Variants in TMEM213 observed in about 807,000 individuals in gnomAD.
TMEM213 encodes the protein transmembrane protein 213.
TMEM213 carries 7 observed loss-of-function variants against 11.6 expected under a neutral mutation model. The ratio of observed to expected loss-of-function variants is 0.60; its 90% confidence interval spans 0.34 to 1.13. The LOEUF is 1.13. TMEM213 is among the 50% of genes most tolerant of loss of function. The probability of loss-of-function intolerance (pLI) is 0.03; values close to 1 mark genes in which losing one functional copy is unlikely to be tolerated. For synonymous variants in TMEM213, 60 were observed against 58.3 expected, an observed-to-expected ratio of 1.03 and a Z score of -0.13; for missense variants, 129 against 139.0, an observed-to-expected ratio of 0.93 and a Z score of 0.36.
intron 1 of TMEM213, 144 bp from the exon 2 acceptor site, chr7:138,801,183 T>C: frequency 2.7e-6 from 2 of 727,920 alleles, no homozygotes; most frequent in South Asian, 3.4e-5. Context: ...TTAGCTTTGT[T>C]GCAGAAAGCC....
chr7:138,800,278 C>T lies in TMEM213; in HGVS notation c.83-1049C>T, dbSNP rs146524539. On this transcript the variant is annotated intron_variant, in intron 1 of 2. Coordinates refer to ENST00000442682, the MANE Select transcript of TMEM213 (RefSeq NM_001085429.2). ...TGAATTTGATTTTAATAAATTTAAACAACCACAGGTGGCTAGTGGCTGCCG... is the reference window on the plus strand; with the variant it reads ...TGAATTTGATTTTAATAAATTTAAATAACCACAGGTGGCTAGTGGCTGCCG... Among the ~76,000 whole-genome samples the T allele has an allele frequency of 2.6e-5, 4 of 152,164 alleles. No homozygotes were observed. The East Asian group carries it at 7.7e-4, about 29-fold the overall frequency.
chr7:138,802,999 C>A lies in TMEM213; in HGVS notation c.254C>A (p.Thr85Asn), dbSNP rs1263726377. Reference protein sequence around the residue: ...AAVGWSLWFLTLILLCVDKLM... With the variant: ...AAVGWSLWFLNLILLCVDKLM... ...GTTGGCTGGAGCCTCTGGTTCCTCA[C>A]CCTCATCCTGCTCTGTGTGGACAAA... Residue 85 changes from threonine to asparagine, a missense_variant, in exon 3 of 3, where the codon ACC becomes AAC. Thr to Asn is a moderately conservative substitution (Grantham distance 65). Coordinates refer to ENST00000442682, the MANE Select transcript of TMEM213 (RefSeq NM_001085429.2). 2 of 1,613,680 alleles carry A rather than the reference C, an allele frequency of 1.2e-6. No individual in the cohort carries two copies. Among genetic ancestry groups the A allele is most frequent in the African/African-American group, 2.7e-5 (2 of 74,922 alleles).
intron 1 of TMEM213, among the ~76,000 whole-genome samples, chr7:138,798,543 G>C (rs1808809909): frequency 6.6e-6 from 1 of 152,098 alleles, no homozygotes; most frequent in Non-Finnish European, 1.5e-5. Flanking sequence ...TGTCCTGAAG[G>C]CTCCTTCTCA....
chr7:138,803,804 G>A lies in TMEM213; in HGVS notation c.*735G>A, dbSNP rs898889189. The stretch of plus-strand genomic sequence containing the variant: ...GAAAAAAAAAAAAAAAAAAGAATGT[G>A]AGGATCAGGTGGGCATGGTGGCTCA... On this transcript the variant is annotated 3_prime_UTR_variant, in exon 3 of 3. Coordinates refer to ENST00000442682, the MANE Select transcript of TMEM213 (RefSeq NM_001085429.2). 3 of 148,656 alleles carry A rather than the reference G, an allele frequency of 2.0e-5. No homozygotes were observed. Among genetic ancestry groups the A allele is most frequent in the African/African-American group, 7.5e-5 (3 of 40,220 alleles). 9.2% of individuals were successfully genotyped at this position (148,656 alleles called of 1,614,324 possible). A position where few individuals can be genotyped will look rare whatever the true frequency, so the allele number is the denominator to read the frequency against.
intron 2 of TMEM213, among the ~76,000 whole-genome samples, chr7:138,802,584 GGGA>G (rs1808983531): frequency 6.7e-6 from 1 of 148,934 alleles, no homozygotes; most frequent in Non-Finnish European, 1.5e-5. Context: ...AGGGGTATTA[GGGA>G]ATAATACATA....
intron 1 of TMEM213, among the ~76,000 whole-genome samples, 168 bp from the exon 2 acceptor site, chr7:138,801,159 T>C (rs1808931232): frequency 1.3e-5 from 2 of 152,176 alleles, no homozygotes; most frequent in South Asian, 4.1e-4. Context: ...CATAATTCGG[T>C]CCATAACAGG....
intron 1 of TMEM213, among the ~76,000 whole-genome samples, chr7:138,798,723 C>T (rs965484493): frequency 1.2e-4 from 19 of 152,138 alleles, no homozygotes; most frequent in African/African-American, 4.3e-4. Context: ...CCTGCCTCCC[C>T]GGGCACTGGA....
chr7:138,802,546 GTCTC>G (rs1434079271), intron 2 of TMEM213, among the ~76,000 whole-genome samples: 3 of 133,610 alleles, frequency 2.2e-5, no homozygotes, highest in Admixed American at 7.6e-5. Flanking sequence ...GTGAGACTCT[GTCTC>G]AAAAAGAAAA....
chr7:138,798,376 G>T (rs556006119), intron 1 of TMEM213, 190 bp downstream of exon 1: 42 of 561,092 alleles, frequency 7.5e-5, no homozygotes, highest in African/African-American at 7.0e-4. Context: ...TGGGGCAGGG[G>T]GGGTCTTAGG....
In TMEM213 at chr7:138,798,029, C is replaced by G; in HGVS notation, c.-76C>G. On this transcript the variant is annotated 5_prime_UTR_variant, in exon 1 of 3. Coordinates refer to ENST00000442682, the MANE Select transcript of TMEM213 (RefSeq NM_001085429.2). ...TCCAGCTCCTGCAGGTGGGAGTCGA[C>G]TCACCTGCAGCAGGCACTCGGCACA... 6.4e-7 allele frequency: 1 copy of G among 1,552,998 alleles called. No individual in the cohort carries two copies. The highest frequency in any genetic ancestry group is 8.7e-7 in the Non-Finnish European group (1 of 1,148,014).
At position 138,801,298 on chromosome 7, in the gene TMEM213, C is replaced by T. The variant is rs189809183; in HGVS notation, c.83-29C>T. ...GCCTGGGAATAGCTTTTGCCAGTGC[C>T]TCAGACTATCTCCTATCTTTTCTTC... On this transcript the variant is annotated intron_variant, in intron 1 of 2. Transcript: ENST00000442682. 2.1e-4 allele frequency: 343 copies of T among 1,598,298 alleles called. 2 individuals are homozygous for T. The East Asian group carries it at 7.5e-3, about 35-fold the overall frequency.
Position 138,800,906 on chromosome 7 carries a change from C to T in TMEM213, c.83-421C>T, listed in dbSNP as rs538915690. On this transcript the variant is annotated intron_variant, in intron 1 of 2. Coordinates refer to ENST00000442682, the MANE Select transcript of TMEM213 (RefSeq NM_001085429.2). ...TAGAGACAGGGTTTCATCATGTTGG[C>T]CAGGCTGTTCTTGAACTCCTGACCT... 2.0e-5 allele frequency among the ~76,000 whole-genome samples: 3 copies of T among 152,128 alleles called. No individual in the cohort carries two copies. The South Asian group carries it at 6.2e-4, about 32-fold the overall frequency.
rs1809036261 is a variant in TMEM213 at position 138,804,146 on chromosome 7, T to G, written c.*1077T>G. On this transcript the variant is annotated 3_prime_UTR_variant, in exon 3 of 3. Transcript: ENST00000442682. The stretch of plus-strand genomic sequence containing the variant: ...CAGGGATATTGCATTCTGTCCTCAC[T>G]GTCTTGAGGATCTTCCTCCCCGGCT... 2.0e-5 allele frequency: 3 copies of G among 152,374 alleles called. No individual in the cohort carries two copies. The highest frequency in any genetic ancestry group is 2.1e-4 in the South Asian group (1 of 4,808). The allele number at this position is 152,374 out of a possible 1,614,324, so 9.4% of individuals were successfully genotyped here.
Position 138,803,093 on chromosome 7 carries a change from G to C in TMEM213, c.*24G>C, listed in dbSNP as rs1584964979. On this transcript the variant is annotated 3_prime_UTR_variant, in exon 3 of 3. Coordinates refer to ENST00000442682, the MANE Select transcript of TMEM213 (RefSeq NM_001085429.2). ...GAGACCCAGGCTCGGTGCACAAAAT[G>C]GTGATCGCCACCAATTTGTGGCTAA... is the stretch of plus-strand genomic sequence containing the variant. 1.2e-6 allele frequency: 2 copies of C among 1,607,404 alleles called. No individual in the cohort carries two copies. The highest frequency in any genetic ancestry group is 4.5e-5 in the East Asian group (2 of 44,722).
rs921683291 is a variant in TMEM213 at position 138,804,036 on chromosome 7, C to T, written c.*967C>T. ...TCTCCAGCTCTCCTTCTGGCTTCATCCTGTCTTCCACGGCTCTCCTGTCCC... is the reference window on the plus strand; with the variant it reads ...TCTCCAGCTCTCCTTCTGGCTTCATTCTGTCTTCCACGGCTCTCCTGTCCC... On this transcript the variant is annotated 3_prime_UTR_variant, in exon 3 of 3. Transcript: ENST00000442682. 5.9e-5 allele frequency: 9 copies of T among 152,604 alleles called. No individual in the cohort carries two copies. The highest frequency in any genetic ancestry group is 2.2e-4 in the African/African-American group (9 of 41,452). 9.5% of individuals were successfully genotyped at this position (152,604 alleles called of 1,614,324 possible).
rs1472751019 is a variant in TMEM213, at chr7:138,806,128, A to G, written c.*3059A>G. The G allele has an allele frequency of 6.6e-6, 1 of 152,192 alleles. No homozygotes were observed. Among genetic ancestry groups the G allele is most frequent in the African/African-American group, 2.4e-5 (1 of 41,442 alleles). The allele number at this position is 152,192 out of a possible 1,614,324, so 9.4% of individuals were successfully genotyped here. On this transcript the variant is annotated 3_prime_UTR_variant, in exon 3 of 3. Transcript: ENST00000442682. ...AATGGTTCTATAGTTTGATGGTTCT[A>G]CTTCCCAGATGCTACCTCTCAGATT...
intron 2 of TMEM213, among the ~76,000 whole-genome samples, chr7:138,801,988 A>C (rs1466605454): frequency 3.3e-5 from 5 of 152,090 alleles, no homozygotes; most frequent in Non-Finnish European, 5.9e-5. Context: ...ATATGGTGAA[A>C]CCCTGTCTCT....
rs780125224 is a variant in TMEM213, at chr7:138,802,966, C to T, written c.221C>T (p.Ala74Val). The change falls in exon 3 of 3, where the codon GCG (alanine) becomes GTG (valine). Residue 74 changes from alanine (A) to valine (V), a missense_variant. Ala to Val is a moderately conservative substitution (Grantham distance 64). Coordinates refer to ENST00000442682, the MANE Select transcript of TMEM213 (RefSeq NM_001085429.2). ...RTGVDEYGWI[A>V]AAVGWSLWFL... Reference sequence around the variant, plus strand: ...GGAGTGGACGAGTACGGCTGGATCGCGGCAGCTGTTGGCTGGAGCCTCTGG... The same window carrying T: ...GGAGTGGACGAGTACGGCTGGATCGTGGCAGCTGTTGGCTGGAGCCTCTGG... 2.1e-5 allele frequency: 34 copies of T among 1,612,532 alleles called. No homozygotes were observed. The highest frequency in any genetic ancestry group is 5.3e-5 in the African/African-American group (4 of 74,898).
At chr7:138,801,427 C>T in intron 2 of TMEM213, 29 bp downstream of exon 2, 1 of 1,585,224 alleles carries the variant, frequency 6.3e-7, no homozygotes, top group Non-Finnish European at 8.6e-7. Flanking sequence ...CTGCTCTAAC[C>T]CCAGAACTGG....
Sources: allele counts gnomAD v4.1 joint callset (sites outside exome capture counted in the v4.1 genomes callset), GRCh38; gene constraint gnomAD v4.1.1; transcripts MANE v1.5; gene names NCBI Gene and HGNC (gene_info 2026-07-23, HGNC 2026-07-21).